The following CEP83 variants were observed in gnomAD, a reference collection of about 807,000 sequenced individuals.
CEP83 encodes the protein centrosomal protein 83.
In CEP83, 70 loss-of-function variants were observed where a neutral mutation model predicts 101.9. The observed-to-expected ratio is 0.69, with a 90% CI of 0.57 to 0.84. The LOEUF (loss-of-function observed/expected upper bound fraction) is 0.84. Among genes scored for constraint, CEP83 ranks in the 40% least tolerant of loss-of-function variants. The probability of loss-of-function intolerance (pLI) is 0.00; values close to 1 mark genes in which losing one functional copy is unlikely to be tolerated. For synonymous variants in CEP83, 264 were observed against 267.9 expected (o/e 0.99, Z 0.14); for missense variants, 715 against 787.2 (o/e 0.91, Z 1.10).
intron 6 of CEP83, among the ~76,000 whole-genome samples, chr12:94,396,038 C>T (rs2062868421): frequency 1.3e-5 from 2 of 152,082 alleles, no homozygotes; most frequent in South Asian, 2.1e-4. Flanking sequence ...CTCCCTCTCT[C>T]CTGAGATCTT....
rs748658606 is a variant in CEP83 at position 94,367,798 on chromosome 12, C to T, written c.1339G>A (p.Val447Ile). ...EEITRKELQS[V>I]RLKLQQQIVT... Reference sequence around the variant, plus strand: ...AAATATATATGTATATATAACCTAACACTCTGAAGCTCCTTCCTGGTGATC... The same window carrying T: ...AAATATATATGTATATATAACCTAATACTCTGAAGCTCCTTCCTGGTGATC... Residue 447 changes from valine (V) to isoleucine (I), a missense_variant, in exon 11 of 17, where the codon GTT becomes ATT. Physicochemically the swap from Val to Ile is conservative, Grantham distance 29. Coordinates refer to ENST00000397809, the MANE Select transcript of CEP83 (RefSeq NM_016122.3). The T allele has an allele frequency of 1.1e-5, 18 of 1,606,034 alleles. 1 individual carries two copies. In the Admixed American group the frequency reaches 1.4e-4, roughly 12 times the overall value.
intron 4 of CEP83, among the ~76,000 whole-genome samples, chr12:94,405,792 G>A (rs1396643972): frequency 1.3e-5 from 2 of 152,188 alleles, no homozygotes; most frequent in Non-Finnish European, 2.9e-5. Flanking sequence ...CTGAGTTGAG[G>A]AGATGAAACT....
the CEP83 span, among the ~76,000 whole-genome samples, chr12:94,292,882 C>G: frequency 6.6e-6 from 1 of 152,180 alleles, no homozygotes; most frequent in Non-Finnish European, 1.5e-5. Flanking sequence ...TATATACCTA[C>G]AGAAAAACAA....
chr12:94,363,804 C>T (rs906027345), intron 11 of CEP83, among the ~76,000 whole-genome samples: 1 of 151,734 alleles, frequency 6.6e-6, no homozygotes, highest in Admixed American at 6.6e-5. Context: ...AAAAATTAGC[C>T]AGGTATGGTA....
At chr12:94,357,133 A>C (rs1565978221) in intron 11 of CEP83, among the ~76,000 whole-genome samples, 1 of 152,200 alleles carries the variant, frequency 6.6e-6, no homozygotes, top group Non-Finnish European at 1.5e-5. Context: ...TGTTGCAGTT[A>C]TTAGCTTTCC....
chr12:94,432,221 A>AT lies in CEP83; in HGVS notation c.-102+3053dup, dbSNP rs879496382. Among the ~76,000 whole-genome samples, 552 of 142,528 alleles carry AT rather than the reference A, an allele frequency of 3.9e-3. 3 individuals are homozygous for AT. Among genetic ancestry groups the AT allele is most frequent in the South Asian group, 0.016 (73 of 4,448 alleles). The allele number at this position is 142,528 out of a possible 152,430, so 93.5% of individuals were successfully genotyped here. Reference sequence around the variant, plus strand: ...AGGCACCCACCACCACGCCCAGCTAATTTTTTTTTTTTTTGTATTTTTAGT... The same window carrying AT: ...AGGCACCCACCACCACGCCCAGCTAATTTTTTTTTTTTTTTGTATTTTTAGT... On this transcript the variant is annotated intron_variant, in intron 2 of 16. Transcript: ENST00000397809.
chr12:94,363,108 C>G (rs1203435744), intron 11 of CEP83, among the ~76,000 whole-genome samples: 1 of 152,166 alleles, frequency 6.6e-6, no homozygotes, highest in Non-Finnish European at 1.5e-5. Flanking sequence ...TTCTGGTGTT[C>G]TACAGCACTA....
chr12:94,352,345 G>A (rs1296004857), intron 11 of CEP83, among the ~76,000 whole-genome samples: 1 of 151,612 alleles, frequency 6.6e-6, no homozygotes, highest in Non-Finnish European at 1.5e-5. Context: ...GCTTAAACCT[G>A]GGAGGCAGAG....
the CEP83 span, among the ~76,000 whole-genome samples, chr12:94,285,783 T>A: frequency 6.6e-6 from 1 of 152,134 alleles, no homozygotes; most frequent in Non-Finnish European, 1.5e-5. Context: ...TCCCTGTGTC[T>A]GGGTGGCAGG....
At chr12:94,285,521 A>C in the CEP83 span, among the ~76,000 whole-genome samples, 1 of 152,216 alleles carries the variant, frequency 6.6e-6, no homozygotes, top group Non-Finnish European at 1.5e-5. Context: ...CAGACTTGCC[A>C]ACCCTGGAAT....
Position 94,400,159 on chromosome 12 carries a change from A to AT in CEP83, c.549+690dup, listed in dbSNP as rs550691506. ...TTCACATAACTATAGATACCAACCT[A>AT]TTTTTTATGAATATGGCAGGATAAA... On this transcript the variant is annotated intron_variant, in intron 6 of 16. Transcript: ENST00000397809. 5.9e-5 allele frequency among the ~76,000 whole-genome samples: 9 copies of AT among 152,342 alleles called. 1 individual carries two copies. The highest frequency in any genetic ancestry group is 3.3e-4 in the Admixed American group (5 of 15,292).
At chr12:94,301,633 T>C (rs1373901596), downstream of CEP83, among the ~76,000 whole-genome samples, 1 of 152,146 alleles carries the variant, frequency 6.6e-6, no homozygotes, top group East Asian at 1.9e-4. Flanking sequence ...CTCCAAAATA[T>C]ACTAAACTGA....
rs781134271 is a variant in CEP83, at chr12:94,424,371, T to C, written c.-102+10904A>G. ...GCTGGTACTCCAGGGGGTGTCTTAA[T>C]ATATTTTCCATTAAAGTGGGTGATG... On this transcript the variant is annotated intron_variant, in intron 2 of 16. Coordinates refer to ENST00000397809, the MANE Select transcript of CEP83 (RefSeq NM_016122.3). The C allele has an allele frequency of 3.7e-6, 6 of 1,614,052 alleles. No individual in the cohort carries two copies. The Admixed American group carries it at 5.0e-5, about 13-fold the overall frequency.
intron 2 of CEP83, among the ~76,000 whole-genome samples, chr12:94,426,375 G>T (rs1566172838): frequency 6.6e-6 from 1 of 151,996 alleles, no homozygotes; most frequent in Non-Finnish European, 1.5e-5. Context: ...ATTATTCTGT[G>T]TTTTATCTTG....
intron 6 of CEP83, among the ~76,000 whole-genome samples, chr12:94,383,425 G>A (rs1030369999): frequency 1.3e-5 from 2 of 151,934 alleles, no homozygotes; most frequent in African/African-American, 2.4e-5. Context: ...ACTTTACAAT[G>A]GTATAAAATG....
At chr12:94,288,411 G>T in the CEP83 span, among the ~76,000 whole-genome samples, 1 of 152,144 alleles carries the variant, frequency 6.6e-6, no homozygotes, top group Non-Finnish European at 1.5e-5. Flanking sequence ...ATTCTTGGTG[G>T]CCCAACTCCC....
intron 2 of CEP83, chr12:94,424,476 G>A (rs988040387): frequency 1.9e-5 from 30 of 1,613,814 alleles, no homozygotes; most frequent in Admixed American, 3.3e-5. Flanking sequence ...CGAAGGATAC[G>A]GGTGGAGATA....
In CEP83 at chr12:94,402,770, G is replaced by A. The variant is rs191970654; in HGVS notation, c.417+400C>T. On this transcript the variant is annotated intron_variant, in intron 5 of 16. Transcript: ENST00000397809. ...AAAAATTAGCCAGGTACGGTGGTGCGTGCCTGTAATCCCAGCTACTTGGGA... is the reference window on the plus strand; with the variant it reads ...AAAAATTAGCCAGGTACGGTGGTGCATGCCTGTAATCCCAGCTACTTGGGA... The A allele has an allele frequency of 6.6e-4, 101 of 153,442 alleles. 1 individual carries two copies. Among genetic ancestry groups the A allele is most frequent in the East Asian group, 2.5e-3 (13 of 5,270 alleles). 9.5% of individuals were successfully genotyped at this position (153,442 alleles called of 1,614,324 possible). A position where few individuals can be genotyped will look rare whatever the true frequency, so the allele number is the denominator to read the frequency against.
chr12:94,390,252 C>G (rs890567610), intron 6 of CEP83, among the ~76,000 whole-genome samples: 1 of 152,144 alleles, frequency 6.6e-6, no homozygotes, highest in Admixed American at 6.5e-5. Flanking sequence ...AGCTGACCCT[C>G]TGGGACGAAG....
Sources: gnomAD v4.1 joint callset for allele counts (sites outside exome capture counted in the v4.1 genomes callset) on GRCh38, gnomAD v4.1.1 for gene constraint, MANE v1.5 for transcripts, NCBI Gene and HGNC (gene_info 2026-07-23, HGNC 2026-07-21) for gene names.